The following TRIP12 variants were observed in gnomAD, a reference collection of about 807,000 sequenced individuals.
TRIP12 encodes the protein thyroid hormone receptor interactor 12.
A neutral mutation model predicts 244.2 loss-of-function variants in TRIP12; 25 were observed. The ratio of observed to expected loss-of-function variants is 0.10; its 90% CI spans 0.07 to 0.14. The LOEUF (loss-of-function observed/expected upper bound fraction) is 0.14. Ranked by LOEUF, TRIP12 falls within the 10% of genes least tolerant of loss-of-function variation. The pLI is 1.00. For synonymous variants in TRIP12, 905 were observed against 873.1 expected, an observed-to-expected ratio of 1.04 and a Z score of -0.64; for missense variants, 1,677 against 2,486.4, an observed-to-expected ratio of 0.67 and a Z score of 6.92.
chr2:229,856,486 T>C lies in TRIP12; in HGVS notation c.1027+2286A>G, dbSNP rs773175123. On this transcript the variant is annotated intron_variant, in intron 4 of 41. Coordinates refer to ENST00000675903, the MANE Select transcript of TRIP12 (RefSeq NM_001348323.3). ...TTAAAAATCAAGTTAACAGACTATATAAAGAAAAGAAAGCTGATCTCTACA... is the reference window on the plus strand; with the variant it reads ...TTAAAAATCAAGTTAACAGACTATACAAAGAAAAGAAAGCTGATCTCTACA... 2.6e-5 allele frequency among the ~76,000 whole-genome samples: 4 copies of C among 152,106 alleles called. No individual in the cohort carries two copies. The East Asian group carries it at 5.8e-4, about 22-fold the overall frequency.
intron 1 of TRIP12, among the ~76,000 whole-genome samples, chr2:229,903,015 T>TC (rs1553767670): frequency 5.1e-5 from 5 of 98,020 alleles, no homozygotes; most frequent in East Asian, 3.4e-4. Context: ...TTTTTCTTTT[T>TC]TTCTTTTTTT....
chr2:229,769,788 A>C (rs2033508943), intron 39 of TRIP12, among the ~76,000 whole-genome samples: 1 of 152,192 alleles, frequency 6.6e-6, no homozygotes, highest in African/African-American at 2.4e-5. Flanking sequence ...GGACACAGCA[A>C]ATGGGTAGGT....
At chr2:229,801,229 T>C (rs2044251138) in intron 21 of TRIP12, among the ~76,000 whole-genome samples, 1 of 152,164 alleles carries the variant, frequency 6.6e-6, no homozygotes. Context: ...TCAAACAACA[T>C]GGGTGCCAGT....
Position 229,797,779 on chromosome 2 carries a change from A to G in TRIP12, c.3535T>C (p.Tyr1179His). ...CCATCCATATTCTCAGAACTGAAATAACGTTCTACAAATTTATGTGCCTGC... is the reference window on the plus strand; with the variant it reads ...CCATCCATATTCTCAGAACTGAAATGACGTTCTACAAATTTATGTGCCTGC... ...KEQAHKFVER[Y>H]FSSENMDGSN... The change falls in exon 24 of 42, where the codon TAT (tyrosine) becomes CAT (histidine). Residue 1179 changes from tyrosine to histidine, a missense_variant. Coordinates refer to ENST00000675903, the MANE Select transcript of TRIP12 (RefSeq NM_001348323.3). 6.2e-7 allele frequency: 1 copy of G among 1,614,034 alleles called. No homozygotes were observed. The highest frequency in any genetic ancestry group is 8.5e-7 in the Non-Finnish European group (1 of 1,179,938).
intron 1 of TRIP12, among the ~76,000 whole-genome samples, chr2:229,887,968 G>A (rs2066413852): frequency 6.6e-6 from 1 of 152,182 alleles, no homozygotes; most frequent in Admixed American, 6.5e-5. Context: ...TAGGTTATCA[G>A]TAATCTCATT....
At chr2:229,903,013 TTTTTC>T (rs1356853576) in intron 1 of TRIP12, among the ~76,000 whole-genome samples, 2 of 123,058 alleles carry the variant, frequency 1.6e-5, no homozygotes, top group East Asian at 4.4e-4. Flanking sequence ...TCTTTTTCTT[TTTTTC>T]TTTTTTTTTT....
intron 8 of TRIP12, among the ~76,000 whole-genome samples, chr2:229,826,437 G>A (rs2051618260): frequency 6.6e-6 from 1 of 152,050 alleles, no homozygotes; most frequent in African/African-American, 2.4e-5. Context: ...ACATCTATTG[G>A]GTATCTATTA....
chr2:229,783,371 C>T (rs1406843870), intron 34 of TRIP12, among the ~76,000 whole-genome samples: 1 of 152,140 alleles, frequency 6.6e-6, no homozygotes, highest in Admixed American at 6.5e-5. Context: ...ACTATCTGGT[C>T]CTTCACAGAA....
At chr2:229,870,648 A>G (rs888167420) in intron 2 of TRIP12, among the ~76,000 whole-genome samples, 4 of 152,258 alleles carry the variant, frequency 2.6e-5, no homozygotes, top group South Asian at 2.1e-4. Flanking sequence ...GCATGATCAA[A>G]ATTACTAAAG....
chr2:229,886,040 C>T (rs1050743389), intron 1 of TRIP12, among the ~76,000 whole-genome samples: 1 of 152,012 alleles, frequency 6.6e-6, no homozygotes, highest in African/African-American at 2.4e-5. Flanking sequence ...ATCATCAGGT[C>T]CATCATGTGC....
At chr2:229,792,861 T>C (rs2041896706) in intron 27 of TRIP12, 112 bp downstream of exon 27, 2 of 1,137,112 alleles carry the variant, frequency 1.8e-6, no homozygotes, top group Non-Finnish European at 2.4e-6. Flanking sequence ...GTTCCTGCCA[T>C]CTATTTTTTA....
chr2:229,896,087 A>G (rs1408809329), intron 1 of TRIP12, among the ~76,000 whole-genome samples: 3 of 152,168 alleles, frequency 2.0e-5, no homozygotes, highest in Non-Finnish European at 4.4e-5. Context: ...TTCCACCAGC[A>G]GAAAAGAAGT....
At chr2:229,806,960 C>A (rs1354717670) in intron 17 of TRIP12, among the ~76,000 whole-genome samples, 1 of 152,182 alleles carries the variant, frequency 6.6e-6, no homozygotes, top group Non-Finnish European at 1.5e-5. Flanking sequence ...CATGGCATCA[C>A]AAATAACACA....
chr2:229,829,289 C>A lies in TRIP12; in HGVS notation c.1355-1G>T. On this transcript the variant is annotated splice_acceptor_variant, in intron 7 of 41. Transcript: ENST00000675903. LOFTEE classifies it high-confidence loss of function. ...GGAAGACCCCTTGCCTCTAACAAAG[C>A]TAAAGAAAAAAGAAGGGCAGAGTGA... is the stretch of plus-strand genomic sequence containing the variant. 2 of 1,607,040 alleles carry A rather than the reference C, an allele frequency of 1.2e-6. No individual in the cohort carries two copies. Among genetic ancestry groups the A allele is most frequent in the African/African-American group, 1.3e-5 (1 of 74,514 alleles).
At position 229,771,625 on chromosome 2, in the gene TRIP12, A is replaced by G. The variant is rs1340185682; in HGVS notation, c.5702T>C (p.Ile1901Thr). The change falls in exon 39 of 42, where the codon ATA becomes ACA. Residue 1901 changes from isoleucine (I) to threonine (T), a missense_variant. Coordinates refer to ENST00000675903, the MANE Select transcript of TRIP12 (RefSeq NM_001348323.3). ...HNLEEYLRLV[I>T]FWALNEGVSR... is the part of the protein sequence containing the mutation. ...AACGCCTTCATTTAGTGCCCAGAAT[A>G]TAACCAGCTGCAAAAAGAAAGTTTT... The G allele has an allele frequency of 1.9e-6, 3 of 1,613,048 alleles. No individual in the cohort carries two copies. Among genetic ancestry groups the G allele is most frequent in the Non-Finnish European group, 2.5e-6 (3 of 1,179,442 alleles).
rs2154263127 is a variant in TRIP12, at chr2:229,795,435, C to T, written c.3817-105G>A. On this transcript the variant is annotated intron_variant, in intron 25 of 41. Transcript: ENST00000675903. The stretch of plus-strand genomic sequence containing the variant: ...AGCTTTATAAAAGAGAATAATTTGT[C>T]TATTCATCTTTATCTTTTATGGCAG... 2.3e-6 allele frequency: 3 copies of T among 1,317,602 alleles called. No individual in the cohort carries two copies. In the East Asian group the frequency reaches 7.6e-5, roughly 33 times the overall value. The allele number at this position is 1,317,602 out of a possible 1,614,324, so 81.6% of individuals were successfully genotyped here.
At chr2:229,914,180 G>A (rs1004769821) in intron 1 of TRIP12, among the ~76,000 whole-genome samples, 1 of 152,000 alleles carries the variant, frequency 6.6e-6, no homozygotes, top group African/African-American at 2.4e-5. Flanking sequence ...ACTCCAGCCT[G>A]GGCGGCAAAG....
rs59794043 is a variant in TRIP12, at chr2:229,853,679, A to AATACATAC, written c.1027+5085_1027+5092dup. Among the ~76,000 whole-genome samples, 273 of 151,530 alleles carry AATACATAC rather than the reference A, an allele frequency of 1.8e-3. 1 individual carries two copies. Among genetic ancestry groups the AATACATAC allele is most frequent in the South Asian group, 9.4e-3 (45 of 4,796 alleles). ...ACTCCAAAAATAAATAAATAAATAA[A>AATACATAC]ATACATACATACATACATACATACA... On this transcript the variant is annotated intron_variant, in intron 4 of 41. Coordinates refer to ENST00000675903, the MANE Select transcript of TRIP12 (RefSeq NM_001348323.3).
chr2:229,813,816 A>T (rs531131534), intron 13 of TRIP12, 54 bp downstream of exon 13: 30 of 1,247,378 alleles, frequency 2.4e-5, no homozygotes, highest in Admixed American at 1.5e-4. Flanking sequence ...ATATAAAATT[A>T]AAAAAATTAG....
Sources: gnomAD v4.1 joint callset for allele counts (sites outside exome capture counted in the v4.1 genomes callset) on GRCh38, gnomAD v4.1.1 for gene constraint, MANE v1.5 for transcripts, NCBI Gene and HGNC (gene_info 2026-07-23, HGNC 2026-07-21) for gene names.